The following AKAP7 variants were observed in gnomAD, a reference collection of about 807,000 sequenced individuals.
AKAP7 encodes the protein A-kinase anchoring protein 7, also known as A kinase (PRKA) anchor protein 7.
In AKAP7, 39 loss-of-function variants were observed where a neutral mutation model predicts 39.5. The observed-to-expected ratio is 0.99, with a 90% CI of 0.76 to 1.29. The LOEUF (loss-of-function observed/expected upper bound fraction) is 1.29. Ranked by LOEUF, AKAP7 falls within the 50% of genes most tolerant of loss-of-function variation. The probability of loss-of-function intolerance (pLI) is 0.00; values close to 1 mark genes in which losing one functional copy is unlikely to be tolerated. For synonymous variants in AKAP7, 140 were observed against 139.1 expected, an observed-to-expected ratio of 1.01 and a Z score of -0.05; for missense variants, 414 against 407.7, an observed-to-expected ratio of 1.02 and a Z score of -0.13.
At chr6:131,176,049 A>G (rs1427511382) in intron 5 of AKAP7, among the ~76,000 whole-genome samples, 1 of 152,168 alleles carries the variant, frequency 6.6e-6, no homozygotes, top group Non-Finnish European at 1.5e-5. Flanking sequence ...AGTTGTCTAT[A>G]ACAATGAATA....
rs958465068 is a variant in AKAP7, at chr6:131,187,175, A to G, written c.590-12286A>G. Among the ~76,000 whole-genome samples the G allele has an allele frequency of 3.3e-5, 5 of 152,070 alleles. No homozygotes were observed. The South Asian group carries it at 1.0e-3, about 32-fold the overall frequency. ...TGCAGAAAATACCATTGGGATTTTG[A>G]TAGGGTTACATTAAATCATTAGATT... On this transcript the variant is annotated intron_variant, in intron 5 of 7. Transcript: ENST00000431975.
intron 7 of AKAP7, among the ~76,000 whole-genome samples, chr6:131,272,548 T>C (rs930733650): frequency 6.6e-6 from 1 of 152,212 alleles, no homozygotes; most frequent in Non-Finnish European, 1.5e-5. Flanking sequence ...TTTGATATGT[T>C]TTGTTTTAAT....
intron 7 of AKAP7, among the ~76,000 whole-genome samples, chr6:131,256,792 G>A (rs746927079): frequency 2.0e-5 from 3 of 149,696 alleles, no homozygotes; most frequent in Non-Finnish European, 2.9e-5. Context: ...CTCCCACCTC[G>A]GCCTCCCAGA....
chr6:131,236,856 G>A (rs1249601714), intron 7 of AKAP7, among the ~76,000 whole-genome samples: 1 of 152,090 alleles, frequency 6.6e-6, no homozygotes, highest in Non-Finnish European at 1.5e-5. Context: ...TGCAAACAGG[G>A]GCAATTTGAT....
rs1473488692 is a variant in AKAP7, at chr6:131,147,888, A to G, written c.151+2472A>G. On this transcript the variant is annotated intron_variant, in intron 2 of 7. Transcript: ENST00000431975. ...CATAGCTTACATATATCTAATGTATATGAACACATAGCTTCTACTAGCGAT... is the reference window on the plus strand; with the variant it reads ...CATAGCTTACATATATCTAATGTATGTGAACACATAGCTTCTACTAGCGAT... 2.0e-5 allele frequency among the ~76,000 whole-genome samples: 3 copies of G among 152,258 alleles called. No homozygotes were observed. The East Asian group carries it at 5.8e-4, about 29-fold the overall frequency.
At chr6:131,226,862 A>G (rs1389791146) in intron 7 of AKAP7, among the ~76,000 whole-genome samples, 1 of 152,216 alleles carries the variant, frequency 6.6e-6, no homozygotes, top group African/African-American at 2.4e-5. Context: ...TCTTTGCTTA[A>G]TAATTATTAT....
At position 131,160,164 on chromosome 6, in the gene AKAP7, A is replaced by G. The variant is rs1170876971; in HGVS notation, c.257A>G (p.Asn86Ser). 5 of 1,611,844 alleles carry G rather than the reference A, an allele frequency of 3.1e-6. No homozygotes were observed. Among genetic ancestry groups the G allele is most frequent in the Non-Finnish European group, 4.2e-6 (5 of 1,179,534 alleles). Residue 86 changes from asparagine to serine, a missense_variant, in exon 3 of 8, where the codon AAC becomes AGC. Physicochemically the swap from Asn to Ser is conservative, Grantham distance 46 (BLOSUM62 1). Transcript: ENST00000431975. The part of the protein sequence containing the change: ...RKKKRKDYQP[N>S]YFLSIPITNK... ...AAAAAGAGAAAAGATTATCAACCCA[A>G]CTATTTCCTGTCCATTCCAATCACC...
chr6:131,282,710 C>T lies in AKAP7; in HGVS notation c.*984C>T. ...GTTTCTGATAGTGTCTGCACAACAG[C>T]AAACCAACATTTGGTGAGGAATTAG... On this transcript the variant is annotated 3_prime_UTR_variant, in exon 8 of 8. Transcript: ENST00000431975. The T allele has an allele frequency of 1.1e-6, 1 of 875,540 alleles. No homozygotes were observed. 54.2% of individuals were successfully genotyped at this position (875,540 alleles called of 1,614,324 possible). A position where few individuals can be genotyped will look rare whatever the true frequency, so the allele number is the denominator to read the frequency against.
At chr6:131,250,166 GC>G (rs1339301495) in intron 7 of AKAP7, 60 of 991,298 alleles carry the variant, frequency 6.1e-5, no homozygotes, top group Non-Finnish European at 7.1e-5. Flanking sequence ...TGTAATTACT[GC>G]AGTTGTCTGT....
intron 7 of AKAP7, among the ~76,000 whole-genome samples, chr6:131,278,946 G>A (rs919296627): frequency 2.0e-5 from 3 of 152,190 alleles, no homozygotes; most frequent in Admixed American, 6.5e-5. Context: ...AAGCCTCTGA[G>A]GAGATGTTGG....
chr6:131,180,987 TG>T (rs1381206389), intron 5 of AKAP7, among the ~76,000 whole-genome samples: 3 of 152,186 alleles, frequency 2.0e-5, no homozygotes, highest in African/African-American at 7.2e-5. Context: ...AGTCTCACTC[TG>T]TTGCCTAGGC....
intron 6 of AKAP7, among the ~76,000 whole-genome samples, chr6:131,207,520 A>ATTTTTTT (rs1554211862): frequency 3.7e-5 from 2 of 53,344 alleles, no homozygotes; most frequent in African/African-American, 1.6e-4. Context: ...TTTTTTTTAG[A>ATTTTTTT]TATGGGGTGT....
At chr6:131,231,171 C>T (rs1160431615) in intron 7 of AKAP7, among the ~76,000 whole-genome samples, 1 of 152,154 alleles carries the variant, frequency 6.6e-6, no homozygotes, top group Non-Finnish European at 1.5e-5. Flanking sequence ...TGATAACTCT[C>T]TAATTTTTTC....
intron 7 of AKAP7, among the ~76,000 whole-genome samples, chr6:131,253,908 G>C (rs1354190093): frequency 6.6e-6 from 1 of 151,986 alleles, no homozygotes; most frequent in African/African-American, 2.4e-5. Context: ...TCCGTATTTG[G>C]CTCTTGTGAA....
chr6:131,237,557 G>A (rs1348685017), intron 7 of AKAP7, among the ~76,000 whole-genome samples: 1 of 152,094 alleles, frequency 6.6e-6, no homozygotes, highest in African/African-American at 2.4e-5. Flanking sequence ...TGGTTGGTAA[G>A]CTATTAATTA....
the AKAP7 span, among the ~76,000 whole-genome samples, chr6:131,126,484 A>G: frequency 6.6e-6 from 1 of 152,172 alleles, no homozygotes; most frequent in Non-Finnish European, 1.5e-5. Context: ...CAAACCTCCA[A>G]AATCTCCATC....
At chr6:131,256,631 AGC>A (rs1812875314) in intron 7 of AKAP7, among the ~76,000 whole-genome samples, 1 of 141,370 alleles carries the variant, frequency 7.1e-6, no homozygotes, top group Non-Finnish European at 1.6e-5. Context: ...CCATGAAAGA[AGC>A]AGCAGGACTC....
chr6:131,214,315 G>A (rs1258018251), intron 6 of AKAP7, among the ~76,000 whole-genome samples: 1 of 152,160 alleles, frequency 6.6e-6, no homozygotes, highest in African/African-American at 2.4e-5. Context: ...TACTAGGGTA[G>A]AGTTTCTGCT....
chr6:131,281,828 T>G lies in AKAP7; in HGVS notation c.*102T>G. The G allele has an allele frequency of 3.7e-6, 5 of 1,347,966 alleles. No individual in the cohort carries two copies. Among genetic ancestry groups the G allele is most frequent in the Non-Finnish European group, 4.8e-6 (5 of 1,044,344 alleles). The allele number at this position is 1,347,966 out of a possible 1,614,324, so 83.5% of individuals were successfully genotyped here. The stretch of plus-strand genomic sequence containing the variant: ...GCGTGCTGTTTAAGTTAAGTTTCTC[T>G]GGTGCAATCTGTGAAGATTGCCTAA... On this transcript the variant is annotated 3_prime_UTR_variant, in exon 8 of 8. Coordinates refer to ENST00000431975, the MANE Select transcript of AKAP7 (RefSeq NM_016377.4). This position sits in a 1 kb window ranked among gnomAD's most constrained non-coding sequence, Gnocchi z 4.0.
Sources: allele counts gnomAD v4.1 joint callset (sites outside exome capture counted in the v4.1 genomes callset), GRCh38; gene constraint gnomAD v4.1.1; non-coding constraint Gnocchi (gnomAD v3.1); transcripts MANE v1.5; gene names NCBI Gene and HGNC (gene_info 2026-07-23, HGNC 2026-07-21).